ZNF438: variants seen among roughly 807,000 people sequenced by gnomAD.
ZNF438 encodes zinc finger protein 438.
In ZNF438, 25 loss-of-function variants were observed where a neutral mutation model predicts 38.0. That is an observed-to-expected ratio of 0.66 (90% CI 0.48 to 0.92). ZNF438 has a LOEUF of 0.92. ZNF438 is among the 40% of genes least tolerant of loss of function. The pLI is 0.00. For missense variants in ZNF438, 1,007 were observed against 999.6 expected (o/e 1.01, Z -0.10); for synonymous variants, 372 against 364.1 (o/e 1.02, Z -0.25).
chr10:30,855,945 C>T (rs1331951721), intron 4 of ZNF438, among the ~76,000 whole-genome samples: 1 of 152,162 alleles, frequency 6.6e-6, no homozygotes, highest in Non-Finnish European at 1.5e-5. Context: ...TGCTAACTTC[C>T]CACCGAATAC....
intron 1 of ZNF438, among the ~76,000 whole-genome samples, chr10:31,009,002 A>C (rs1378129536): frequency 6.6e-6 from 1 of 152,172 alleles, no homozygotes; most frequent in African/African-American, 2.4e-5. Flanking sequence ...GCTTCTCTCT[A>C]TGAGTGACAA....
intron 1 of ZNF438, among the ~76,000 whole-genome samples, chr10:31,004,250 G>A (rs2132893054): frequency 6.6e-6 from 1 of 152,280 alleles, no homozygotes; most frequent in Middle Eastern, 3.4e-3. Flanking sequence ...CAATAGTGCT[G>A]AAGATGACAA....
intron 2 of ZNF438, among the ~76,000 whole-genome samples, chr10:30,915,405 A>G (rs1251879511): frequency 6.6e-6 from 1 of 152,060 alleles, no homozygotes; most frequent in Non-Finnish European, 1.5e-5. Context: ...ATATTTAGGT[A>G]CTTCATATAA....
At chr10:30,862,246 A>G (rs1272959085) in intron 4 of ZNF438, among the ~76,000 whole-genome samples, 3 of 152,190 alleles carry the variant, frequency 2.0e-5, no homozygotes, top group African/African-American at 7.2e-5. Context: ...AGCTGCACAG[A>G]TATGGCATGG....
At chr10:30,985,405 A>C (rs1375997579) in intron 1 of ZNF438, among the ~76,000 whole-genome samples, 1 of 152,218 alleles carries the variant, frequency 6.6e-6, no homozygotes, top group Non-Finnish European at 1.5e-5. Flanking sequence ...CTGATTCTAA[A>C]GCGTCTCTTT....
intron 3 of ZNF438, among the ~76,000 whole-genome samples, chr10:30,904,095 C>G (rs1380496375): frequency 1.3e-5 from 2 of 150,872 alleles, no homozygotes; most frequent in Non-Finnish European, 3.0e-5. Flanking sequence ...AAATAAAAAA[C>G]ATTGTCTAAT....
chr10:30,960,838 C>T lies in ZNF438; in HGVS notation c.-191-19187G>A, dbSNP rs187982998. Reference sequence around the variant, plus strand: ...AATAAAATAGGCTATATTTTAAAGACGTTTTCAAAATAACATAATCCTTTT... The same window carrying T: ...AATAAAATAGGCTATATTTTAAAGATGTTTTCAAAATAACATAATCCTTTT... On this transcript the variant is annotated intron_variant, in intron 1 of 5. Transcript: ENST00000413025. Among the ~76,000 whole-genome samples, 9 of 146,446 alleles carry T rather than the reference C, an allele frequency of 6.1e-5. 1 individual carries two copies. The highest frequency in any genetic ancestry group is 4.8e-4 in the Admixed American group (7 of 14,532).
chr10:30,938,765 C>T (rs1370752681), intron 2 of ZNF438, among the ~76,000 whole-genome samples: 1 of 147,706 alleles, frequency 6.8e-6, no homozygotes. Flanking sequence ...TCAGACTTCC[C>T]AGGGAAGCAA....
chr10:30,943,667 G>C (rs1250197386), intron 1 of ZNF438, among the ~76,000 whole-genome samples: 1 of 152,106 alleles, frequency 6.6e-6, no homozygotes, highest in Non-Finnish European at 1.5e-5. Flanking sequence ...GAAGAATTTG[G>C]AGCAGTGTCC....
At chr10:31,027,480 A>G (rs2057018024) in intron 1 of ZNF438, among the ~76,000 whole-genome samples, 1 of 152,042 alleles carries the variant, frequency 6.6e-6, no homozygotes, top group Non-Finnish European at 1.5e-5. Flanking sequence ...TTGTTTTCAG[A>G]TAGAACTTAC....
chr10:31,019,507 A>C (rs1349834065), intron 1 of ZNF438, among the ~76,000 whole-genome samples: 1 of 152,254 alleles, frequency 6.6e-6, no homozygotes, highest in South Asian at 2.1e-4. Context: ...CAAAATTAGA[A>C]GATAGGCAAA....
Position 30,987,319 on chromosome 10 carries a change from C to CAA in ZNF438, c.-192+44512_-192+44513dup, listed in dbSNP as rs367636159. Among the ~76,000 whole-genome samples the CAA allele has an allele frequency of 9.4e-3, 967 of 102,808 alleles. 6 individuals carry two copies. Among genetic ancestry groups the CAA allele is most frequent in the South Asian group, 0.028 (86 of 3,116 alleles). The allele number at this position is 102,808 out of a possible 152,430, so 67.4% of individuals were successfully genotyped here. A position where few individuals can be genotyped will look rare whatever the true frequency, so the allele number is the denominator to read the frequency against. On this transcript the variant is annotated intron_variant, in intron 1 of 5. Coordinates refer to ENST00000413025, the Ensembl canonical transcript of ZNF438. ...TGGGCAACAGAGTACACCCCTGTCT[C>CAA]AAAAAAAAAAAAAAAACTAAAATAT... is the stretch of plus-strand genomic sequence containing the variant.
intron 1 of ZNF438, among the ~76,000 whole-genome samples, chr10:31,023,970 C>T (rs2056778214): frequency 6.6e-6 from 1 of 152,196 alleles, no homozygotes; most frequent in African/African-American, 2.4e-5. Flanking sequence ...TTCTCCCCTA[C>T]CCAGCAAGTA....
chr10:30,989,074 T>A (rs2053171033), intron 1 of ZNF438, among the ~76,000 whole-genome samples: 1 of 152,212 alleles, frequency 6.6e-6, no homozygotes, highest in Non-Finnish European at 1.5e-5. Flanking sequence ...ATAGAAATGC[T>A]GAGTTTCCAG....
At chr10:30,921,198 A>G (rs1293286292) in intron 2 of ZNF438, 1 of 152,186 alleles carries the variant, frequency 6.6e-6, no homozygotes, top group South Asian at 2.1e-4. Context: ...AAAGAAGTTG[A>G]ACCTGTATGC....
At chr10:30,991,683 G>A (rs2053515776) in intron 1 of ZNF438, among the ~76,000 whole-genome samples, 1 of 152,138 alleles carries the variant, frequency 6.6e-6, no homozygotes. Context: ...GGTGCTCATG[G>A]CCCCAGGATA....
Position 30,844,896 on chromosome 10 carries a change from A to T in ZNF438, c.*65T>A, listed in dbSNP as rs573497091. On this transcript the variant is annotated 3_prime_UTR_variant, in exon 6 of 6. Coordinates refer to ENST00000413025, the Ensembl canonical transcript of ZNF438. ...TCTTTGTGACTAAGCACCACCATAA[A>T]GCACGAAGCTCTGAAGGAAGGTGGC... 1.9e-6 allele frequency: 3 copies of T among 1,548,458 alleles called. No homozygotes were observed. The African/African-American group carries it at 4.1e-5, about 21-fold the overall frequency.
intron 4 of ZNF438, among the ~76,000 whole-genome samples, chr10:30,872,250 A>G (rs1377982604): frequency 1.3e-5 from 2 of 151,574 alleles, no homozygotes; most frequent in Non-Finnish European, 2.9e-5. Context: ...ACATGGTAAA[A>G]TCCCCTCTCT....
At chr10:30,999,591 A>T (rs1191008161) in intron 1 of ZNF438, 1 of 152,260 alleles carries the variant, frequency 6.6e-6, no homozygotes, top group Non-Finnish European at 1.5e-5. Flanking sequence ...CTCTCACATG[A>T]CACTATACTT....
Sources: allele counts gnomAD v4.1 joint callset (sites outside exome capture counted in the v4.1 genomes callset), GRCh38; gene constraint gnomAD v4.1.1; transcripts MANE v1.5; gene names NCBI Gene and HGNC (gene_info 2026-07-23, HGNC 2026-07-21).